The following AHCTF1 variants were observed in gnomAD, a reference collection of about 807,000 sequenced individuals.
AHCTF1 encodes protein ELYS.
In AHCTF1, 24 loss-of-function variants were observed where a neutral mutation model predicts 248.4. That is an observed-to-expected ratio of 0.10 (90% CI 0.07 to 0.14). The LOEUF (loss-of-function observed/expected upper bound fraction) is 0.14. AHCTF1 is among the 10% of genes least tolerant of loss of function. The pLI is 1.00. For synonymous variants in AHCTF1, 786 were observed against 929.8 expected, an observed-to-expected ratio of 0.85 and a Z score of 2.81; for missense variants, 2,206 against 2,636.2, an observed-to-expected ratio of 0.84 and a Z score of 3.57.
rs1476840751 is a variant in AHCTF1, at chr1:246,867,281, CA to C, written c.3309del (p.Phe1103LeufsTer16). The C allele has an allele frequency of 2.5e-6, 4 of 1,601,786 alleles. No individual in the cohort carries two copies. The highest frequency in any genetic ancestry group is 2.3e-5 in the South Asian group (2 of 88,282). On this transcript the variant is annotated frameshift_variant, in exon 26 of 36. Transcript: ENST00000648844. LOFTEE classifies it high-confidence loss of function. ...LPAPELPEAF[F>X]GTPISKASQK... ...TGTGATGCTTTTGAAATTGGTGTTC[CA>C]AAAAATGCCTCAGGCAGCTCTGGAG...
intron 4 of AHCTF1, among the ~76,000 whole-genome samples, chr1:246,908,764 G>A (rs1350881614): frequency 2.6e-5 from 4 of 151,026 alleles, no homozygotes; most frequent in Non-Finnish European, 2.9e-5. Context: ...GCATGGCGGC[G>A]TGCGCCTGTA....
At chr1:246,853,349 C>T in intron 31 of AHCTF1, 50 bp from the exon 32 acceptor site, 1 of 1,468,278 alleles carries the variant, frequency 6.8e-7, no homozygotes, top group Non-Finnish European at 9.4e-7. Flanking sequence ...AAAATAAATC[C>T]ACACACAAGG....
chr1:246,849,650 A>T lies in AHCTF1; in HGVS notation c.6356T>A (p.Phe2119Tyr), dbSNP rs781001977. ...DLSEPNNEPL[F>Y]SPASEVPRKA... ...CCTTGGAACTTCTGACGCTGGAGAA[A>T]ATAAAGGCTCATTGTTTGGTTCAGA... The change falls in exon 33 of 36, where the codon TTT becomes TAT. Residue 2119 changes from phenylalanine (F) to tyrosine (Y), a missense_variant. By Grantham distance (22) the Phe-to-Tyr change is conservative (BLOSUM62 3). Coordinates refer to ENST00000648844, the MANE Select transcript of AHCTF1 (RefSeq NM_001323342.2). The T allele has an allele frequency of 6.2e-7, 1 of 1,612,806 alleles. No homozygotes were observed. The highest frequency in any genetic ancestry group is 8.5e-7 in the Non-Finnish European group (1 of 1,179,128).
At chr1:246,852,657 A>T (rs1257074887) in intron 32 of AHCTF1, among the ~76,000 whole-genome samples, 1 of 152,140 alleles carries the variant, frequency 6.6e-6, no homozygotes, top group African/African-American at 2.4e-5. Flanking sequence ...TCTTATGACT[A>T]AAAAAACCTT....
chr1:246,918,908 T>C (rs1267854741), intron 1 of AHCTF1, among the ~76,000 whole-genome samples: 1 of 152,240 alleles, frequency 6.6e-6, no homozygotes, highest in Non-Finnish European at 1.5e-5. Flanking sequence ...TGGTGTCTTT[T>C]AGAAAAATCA....
intron 3 of AHCTF1, among the ~76,000 whole-genome samples, chr1:246,913,712 G>C (rs1031342445): frequency 6.6e-6 from 1 of 152,198 alleles, no homozygotes; most frequent in Non-Finnish European, 1.5e-5. Context: ...TGCTTTGATA[G>C]TAGACTATGT....
chr1:246,923,108 C>CAAAAAAAAAAAAA (rs34474643), intron 1 of AHCTF1, among the ~76,000 whole-genome samples: 1 of 111,898 alleles, frequency 8.9e-6, no homozygotes, highest in African/African-American at 3.3e-5. Context: ...CAAATAATAC[C>CAAAAAAAAAAAAA]AAAAAAAAAA....
intron 14 of AHCTF1, among the ~76,000 whole-genome samples, chr1:246,894,383 T>C (rs145530946): frequency 0.025 from 3,733 of 152,118 alleles, 172 homozygotes; most frequent in African/African-American, 0.085. Context: ...CCATCCTGGC[T>C]AACACGGTGA....
rs1659779908 is a variant in AHCTF1, at chr1:246,840,495, T to C, written c.*311A>G. ...TGAGACCAATGAGCATATAAAACTA[T>C]TTAAACAGATATCCCCTCCCTTTCA... is the stretch of plus-strand genomic sequence containing the variant. On this transcript the variant is annotated 3_prime_UTR_variant, in exon 36 of 36. Coordinates refer to ENST00000648844, the MANE Select transcript of AHCTF1 (RefSeq NM_001323342.2). The C allele has an allele frequency of 6.2e-6, 1 of 161,494 alleles. No homozygotes were observed. Among genetic ancestry groups the C allele is most frequent in the South Asian group, 2.0e-4 (1 of 4,984 alleles). 10.0% of individuals were successfully genotyped at this position (161,494 alleles called of 1,614,324 possible). A position where few individuals can be genotyped will look rare whatever the true frequency, so the allele number is the denominator to read the frequency against.
At chr1:246,897,380 C>T (rs2103159131) in intron 12 of AHCTF1, among the ~76,000 whole-genome samples, 1 of 152,210 alleles carries the variant, frequency 6.6e-6, no homozygotes, top group Middle Eastern at 3.4e-3. Flanking sequence ...TGGTTGCACA[C>T]CTTGAAAGTT....
intron 7 of AHCTF1, 60 bp from the exon 8 acceptor site, chr1:246,902,735 T>G (rs1665094462): frequency 7.1e-7 from 1 of 1,418,360 alleles, no homozygotes; most frequent in African/African-American, 1.4e-5. Context: ...CACTCTAAAA[T>G]TAAATATTCT....
intron 13 of AHCTF1, among the ~76,000 whole-genome samples, chr1:246,895,222 G>A (rs571649723): frequency 2.6e-5 from 4 of 152,240 alleles, no homozygotes; most frequent in Admixed American, 1.3e-4. Flanking sequence ...AAGGTCTCTA[G>A]GTTAGATAAA....
rs1246196925 is a variant in AHCTF1 at position 246,876,205 on chromosome 1, T to C, written c.2938-18A>G. ...CGATCATTCTATTAAACATCAAAAT[T>C]GGTAAAAAATTTAACCTTCAAAATG... On this transcript the variant is annotated intron_variant, in intron 23 of 35. Transcript: ENST00000648844. 1 of 1,551,126 alleles carries C rather than the reference T, an allele frequency of 6.4e-7. No homozygotes were observed. The highest frequency in any genetic ancestry group is 8.7e-7 in the Non-Finnish European group (1 of 1,143,252).
chr1:246,927,486 CAAAAAG>C (rs923859340), intron 1 of AHCTF1, among the ~76,000 whole-genome samples: 2 of 152,070 alleles, frequency 1.3e-5, no homozygotes, highest in Admixed American at 6.5e-5. Flanking sequence ...CTGACTGTCT[CAAAAAG>C]AAAAACTATA....
At chr1:246,923,228 A>C (rs150565789) in intron 1 of AHCTF1, among the ~76,000 whole-genome samples, 1 of 151,840 alleles carries the variant, frequency 6.6e-6, no homozygotes. Context: ...CAGCCTGACT[A>C]ACATGATGAA....
Position 246,858,748 on chromosome 1 carries a change from G to A in AHCTF1, c.4133-934C>T, listed in dbSNP as rs570148415. Among the ~76,000 whole-genome samples the A allele has an allele frequency of 8.8e-5, 13 of 148,074 alleles. No homozygotes were observed. The South Asian group carries it at 2.1e-3, about 24-fold the overall frequency. On this transcript the variant is annotated intron_variant, in intron 29 of 35. Coordinates refer to ENST00000648844, the MANE Select transcript of AHCTF1 (RefSeq NM_001323342.2). The stretch of plus-strand genomic sequence containing the variant: ...GCTGAGGCAGAGGTTGCGGTGAGCC[G>A]AGATCACACCACTGCACTCCAGCCT...
intron 17 of AHCTF1, among the ~76,000 whole-genome samples, chr1:246,889,566 T>C (rs1195839777): frequency 6.6e-6 from 1 of 152,204 alleles, no homozygotes; most frequent in African/African-American, 2.4e-5. Flanking sequence ...GTTCCCACAA[T>C]TGCCATGCAT....
chr1:246,841,460 G>A (rs1399287688), intron 35 of AHCTF1, among the ~76,000 whole-genome samples: 1 of 152,186 alleles, frequency 6.6e-6, no homozygotes, highest in Non-Finnish European at 1.5e-5. Context: ...TATGTAAACA[G>A]TGGTATTAGC....
chr1:246,918,043 T>A (rs1428877731), intron 2 of AHCTF1, among the ~76,000 whole-genome samples: 1 of 152,112 alleles, frequency 6.6e-6, no homozygotes, highest in African/African-American at 2.4e-5. Context: ...TAAGGAAAAA[T>A]TAACTATAAC....
Sources: allele counts gnomAD v4.1 joint callset (sites outside exome capture counted in the v4.1 genomes callset), GRCh38; gene constraint gnomAD v4.1.1; transcripts MANE v1.5; gene names NCBI Gene and HGNC (gene_info 2026-07-23, HGNC 2026-07-21).